NTM: variants seen among roughly 807,000 people sequenced by gnomAD.
The protein encoded by NTM is neurotrimin.
NTM carries 13 observed loss-of-function variants against 42.1 expected under a neutral mutation model. That is an observed-to-expected ratio of 0.31 (90% CI 0.20 to 0.49). NTM has a LOEUF of 0.49. Ranked by LOEUF, NTM falls within the 20% of genes least tolerant of loss-of-function variation. The pLI is 0.99. For missense variants in NTM, 373 were observed against 452.8 expected, an observed-to-expected ratio of 0.82 and a Z score of 1.60; for synonymous variants, 187 against 179.2, an observed-to-expected ratio of 1.04 and a Z score of -0.35.
chr11:131,393,114 G>A (rs932074412), intron 1 of NTM, among the ~76,000 whole-genome samples: 1 of 152,206 alleles, frequency 6.6e-6, no homozygotes, highest in East Asian at 1.9e-4. Context: ...TCTCTGTCTG[G>A]AACGCCCTCT....
At chr11:131,450,601 T>A (rs148308445) in intron 1 of NTM, among the ~76,000 whole-genome samples, 51 of 152,344 alleles carry the variant, frequency 3.3e-4, no homozygotes, top group African/African-American at 1.2e-3. Flanking sequence ...CACACTCTTA[T>A]GCATGCTCCT....
intron 2 of NTM, among the ~76,000 whole-genome samples, chr11:132,107,188 A>C (rs1450338785): frequency 2.0e-5 from 3 of 151,956 alleles, no homozygotes; most frequent in Non-Finnish European, 4.4e-5. Flanking sequence ...ACTGTCAGCT[A>C]CTCCCTACAT....
chr11:132,297,885 A>G (rs527881838), intron 4 of NTM, among the ~76,000 whole-genome samples: 3 of 152,338 alleles, frequency 2.0e-5, no homozygotes. Context: ...GCACGTATGC[A>G]TAATATTATT....
chr11:131,598,852 C>CTTTCTTTCTTTCTTTTTCTTTCTTT (rs2060171376), intron 1 of NTM, among the ~76,000 whole-genome samples: 1 of 36,164 alleles, frequency 2.8e-5, no homozygotes, highest in African/African-American at 8.3e-5. Flanking sequence ...TTTCTTTCTT[C>CTTTCTTTCTTTCTTTTTCTTTCTTT]CTTCCTTCCT....
intron 1 of NTM, among the ~76,000 whole-genome samples, chr11:131,709,299 G>C (rs952162258): frequency 6.6e-6 from 1 of 152,146 alleles, no homozygotes; most frequent in Non-Finnish European, 1.5e-5. Context: ...AGAATGACAC[G>C]AAATAACTCA....
At position 131,881,225 on chromosome 11, in the gene NTM, C is replaced by A. The variant is rs374240356; in HGVS notation, c.83-30339C>A. 5.3e-5 allele frequency among the ~76,000 whole-genome samples: 8 copies of A among 152,210 alleles called. No individual in the cohort carries two copies. In the East Asian group the frequency reaches 1.2e-3, roughly 22 times the overall value. ...TTCCATTCCATTGCCCTCATTCACA[C>A]GCGTTGAGTGCTTAATATGAGAAAT... On this transcript the variant is annotated intron_variant, in intron 1 of 8. Coordinates refer to ENST00000683400, the MANE Select transcript of NTM (RefSeq NM_001352005.2).
intron 1 of NTM, among the ~76,000 whole-genome samples, chr11:131,633,271 G>A (rs765422148): frequency 2.6e-5 from 4 of 152,110 alleles, no homozygotes; most frequent in African/African-American, 4.8e-5. Flanking sequence ...CCAAACCTCT[G>A]TCGATGATTT....
At chr11:131,385,588 C>T (rs987205336) in intron 1 of NTM, among the ~76,000 whole-genome samples, 7 of 152,114 alleles carry the variant, frequency 4.6e-5, no homozygotes, top group African/African-American at 1.2e-4. Flanking sequence ...CTCAGTGGTT[C>T]CTGCCTATAG....
At position 131,707,114 on chromosome 11, in the gene NTM, G is replaced by A. The variant is rs77003862; in HGVS notation, c.83-204450G>A. ...GTGTAAATGAAATATTCTTCCTGTT[G>A]AACTAAAACTTTGAATACTTTGGCC... On this transcript the variant is annotated intron_variant, in intron 1 of 8. Transcript: ENST00000683400. Among the ~76,000 whole-genome samples, 1,242 of 151,880 alleles carry A rather than the reference G, an allele frequency of 8.2e-3. 20 individuals are homozygous for A. The highest frequency in any genetic ancestry group is 0.024 in the African/African-American group (1,014 of 41,470).
chr11:131,720,963 A>G (rs2078259354), intron 1 of NTM, among the ~76,000 whole-genome samples: 1 of 152,200 alleles, frequency 6.6e-6, no homozygotes, highest in South Asian at 2.1e-4. Context: ...TATTATTATT[A>G]TCATCCTTGC....
chr11:131,969,688 A>T (rs778829010), intron 2 of NTM, among the ~76,000 whole-genome samples: 41 of 152,218 alleles, frequency 2.7e-4, no homozygotes, highest in Middle Eastern at 3.2e-3. Context: ...TATTATGTCT[A>T]ATTTTGAGTA....
intron 1 of NTM, among the ~76,000 whole-genome samples, chr11:131,432,846 T>C (rs1948781160): frequency 1.5e-4 from 2 of 13,338 alleles, no homozygotes; most frequent in Non-Finnish European, 5.7e-4. Context: ...ATTCTTTTTT[T>C]TTTTTTTTTT....
intron 2 of NTM, among the ~76,000 whole-genome samples, chr11:132,018,601 C>T (rs1269645541): frequency 6.6e-6 from 1 of 151,866 alleles, no homozygotes; most frequent in Non-Finnish European, 1.5e-5. Flanking sequence ...GTATGATCTG[C>T]TTTAAATATT....
intron 2 of NTM, among the ~76,000 whole-genome samples, chr11:131,949,453 A>C (rs182342727): frequency 1.3e-5 from 2 of 152,208 alleles, no homozygotes; most frequent in Non-Finnish European, 1.5e-5. Context: ...ACACTGACCT[A>C]GACTCTAATC....
intron 3 of NTM, among the ~76,000 whole-genome samples, chr11:132,202,751 G>A (rs191226866): frequency 6.6e-6 from 1 of 152,306 alleles, no homozygotes; most frequent in East Asian, 1.9e-4. Flanking sequence ...ACTCGGTCAA[G>A]AGGCAGAGCT....
intron 1 of NTM, among the ~76,000 whole-genome samples, chr11:131,833,119 A>G (rs879603937): frequency 2.0e-5 from 3 of 152,204 alleles, no homozygotes; most frequent in Non-Finnish European, 2.9e-5. Flanking sequence ...ACAGAAATTT[A>G]TGTATCGTTC....
chr11:131,903,920 G>A (rs1335873989), intron 1 of NTM, among the ~76,000 whole-genome samples: 2 of 151,640 alleles, frequency 1.3e-5, no homozygotes, highest in Admixed American at 6.6e-5. Context: ...GACCTTCTCA[G>A]TGACACACAG....
chr11:131,777,017 C>G (rs2087123014), intron 1 of NTM: 6 of 507,004 alleles, frequency 1.2e-5, no homozygotes, highest in Non-Finnish European at 1.5e-5. Flanking sequence ...GCATATACTA[C>G]AAAAGGTTGA....
At chr11:131,660,790 G>A (rs1478026951) in intron 1 of NTM, 11 of 1,124,670 alleles carry the variant, frequency 9.8e-6, no homozygotes, top group African/African-American at 1.6e-5. Flanking sequence ...GAACTCCTGA[G>A]TTTCATTAAA....
Sources: allele counts gnomAD v4.1 joint callset (sites outside exome capture counted in the v4.1 genomes callset), GRCh38; gene constraint gnomAD v4.1.1; transcripts MANE v1.5; gene names NCBI Gene and HGNC (gene_info 2026-07-23, HGNC 2026-07-21).